The following EP400 variants were observed in gnomAD, a reference collection of about 807,000 sequenced individuals.
EP400 encodes the protein E1A-binding protein p400.
Under a neutral mutation model 354.1 loss-of-function variants are expected in EP400, and 105 were observed. The ratio of observed to expected loss-of-function variants is 0.30; its 90% CI spans 0.25 to 0.35. The LOEUF is 0.35. EP400 is among the 10% of genes least tolerant of loss of function. EP400 has a pLI of 1.00. For missense variants in EP400, 3,280 were observed against 4,121.0 expected, an observed-to-expected ratio of 0.80 and a Z score of 5.59; for synonymous variants, 1,646 against 1,716.9, an observed-to-expected ratio of 0.96 and a Z score of 1.02.
Position 132,013,091 on chromosome 12 carries a change from T to C in EP400, c.3524T>C (p.Val1175Ala). ...FFRGLTAFTR[V>A]RWKCLVIDEM... is the part of the protein sequence containing the mutation. Reference sequence around the variant, plus strand: ...CGGGGCCTCACCGCCTTCACACGAGTGCGCTGGAAGTGCCTGGTCATTGAT... The same window carrying C: ...CGGGGCCTCACCGCCTTCACACGAGCGCGCTGGAAGTGCCTGGTCATTGAT... The change falls in exon 17 of 53, where the codon GTG becomes GCG. Residue 1175 changes from valine to alanine, a missense_variant. Physicochemically the swap from Val to Ala is moderately conservative, Grantham distance 64. This residue lies in a region of EP400 where 242 missense variants were observed against 357.9 expected (regional missense o/e 0.68). Coordinates refer to ENST00000389561, the MANE Select transcript of EP400 (RefSeq NM_015409.5). The surrounding 1 kb of genome is among the most constrained non-coding windows in gnomAD (Gnocchi z 4.5). 1 of 1,614,072 alleles carries C rather than the reference T, an allele frequency of 6.2e-7. No homozygotes were observed. Among genetic ancestry groups the C allele is most frequent in the Non-Finnish European group, 8.5e-7 (1 of 1,180,020 alleles).
intron 15 of EP400, among the ~76,000 whole-genome samples, chr12:132,007,653 G>T (rs568416005): frequency 1.6e-4 from 24 of 152,232 alleles, no homozygotes; most frequent in Non-Finnish European, 2.6e-4. Context: ...TGTAAGAGAA[G>T]TGTTCAGTAA....
intron 51 of EP400, among the ~76,000 whole-genome samples, chr12:132,074,501 G>A (rs553545807): frequency 2.0e-4 from 31 of 152,262 alleles, no homozygotes; most frequent in Non-Finnish European, 3.4e-4. Context: ...CGTTGTCTTT[G>A]TCTTTGTTGT....
intron 1 of EP400, among the ~76,000 whole-genome samples, chr12:131,958,154 A>C (rs1281778463): frequency 6.6e-6 from 1 of 152,210 alleles, no homozygotes; most frequent in Non-Finnish European, 1.5e-5. Context: ...TGCCAGTTTC[A>C]CACTAATCTC....
Position 131,961,876 on chromosome 12 carries a change from G to A in EP400, c.1257G>A (p.Arg419=). 3 of 1,614,148 alleles carry A rather than the reference G, an allele frequency of 1.9e-6. No individual in the cohort carries two copies. Among genetic ancestry groups the A allele is most frequent in the Non-Finnish European group, 2.5e-6 (3 of 1,180,028 alleles). Residue 419 remains arginine, a synonymous_variant, in exon 2 of 53, where the codon AGG becomes AGA. Transcript: ENST00000389561. ...KHYAPLQAYL[R]QNDLDIEEEE... ...ATGCCCCATTACAAGCATATCTTAGGCAGAATGATTTGGACATTGAAGAAG... is the reference window on the plus strand; with the variant it reads ...ATGCCCCATTACAAGCATATCTTAGACAGAATGATTTGGACATTGAAGAAG...
chr12:132,054,110 A>C lies in EP400; in HGVS notation c.7728+513A>C, dbSNP rs772969043. 1.3e-5 allele frequency among the ~76,000 whole-genome samples: 2 copies of C among 152,218 alleles called. No individual in the cohort carries two copies. Among genetic ancestry groups the C allele is most frequent in the Non-Finnish European group, 2.9e-5 (2 of 68,034 alleles). ...GCGGAGCTGCGGACTGTGGCCATGC[A>C]CACCACGCTCTGGTGTATCTCTGTA... On this transcript the variant is annotated intron_variant, in intron 43 of 52. Coordinates refer to ENST00000389561, the MANE Select transcript of EP400 (RefSeq NM_015409.5). The surrounding 1 kb of genome is among the most constrained non-coding windows in gnomAD (Gnocchi z 4.0).
chr12:132,000,676 C>T (rs763356896), intron 12 of EP400, among the ~76,000 whole-genome samples: 2 of 152,154 alleles, frequency 1.3e-5, no homozygotes, highest in Non-Finnish European at 2.9e-5. Flanking sequence ...TATCCTATTA[C>T]GTCATCAGTT....
intron 51 of EP400, among the ~76,000 whole-genome samples, chr12:132,073,706 C>T (rs1485172136): frequency 6.6e-6 from 1 of 152,004 alleles, no homozygotes; most frequent in Admixed American, 6.6e-5. Context: ...CTGCCTTGGC[C>T]TCCCAAAGTG....
Position 131,979,783 on chromosome 12 carries a change from A to G in EP400, c.1425A>G (p.Thr475=), listed in dbSNP as rs761726471. ...AGAGGCAGCAGGCGATGCCCTCCAC[A>G]GGTATGGCAGGTACGTCGGCACGGC... ...LFKRQQAMPS[T]GMAEQSKRPR... is the part of the protein sequence containing the mutation. Residue 475 remains threonine, a synonymous_variant, in exon 3 of 53, where the codon ACA becomes ACG. Transcript: ENST00000389561. The G allele has an allele frequency of 5.1e-5, 82 of 1,607,018 alleles. No individual in the cohort carries two copies. Among genetic ancestry groups the G allele is most frequent in the Non-Finnish European group, 6.4e-5 (75 of 1,176,994 alleles).
At position 132,013,370 on chromosome 12, in the gene EP400, C is replaced by T; in HGVS notation, c.3612-120C>T. On this transcript the variant is annotated intron_variant, in intron 17 of 52. Coordinates refer to ENST00000389561, the MANE Select transcript of EP400 (RefSeq NM_015409.5). This position sits in a 1 kb window ranked among gnomAD's most constrained non-coding sequence, Gnocchi z 4.5. Reference sequence around the variant, plus strand: ...TGCAGCCCCCCTTTTCAGGCATGTGCACGTTGACATTTGCGGTGTCAAATT... The same window carrying T: ...TGCAGCCCCCCTTTTCAGGCATGTGTACGTTGACATTTGCGGTGTCAAATT... The T allele has an allele frequency of 7.8e-6, 11 of 1,406,892 alleles. No individual in the cohort carries two copies. Among genetic ancestry groups the T allele is most frequent in the Non-Finnish European group, 1.1e-5 (11 of 1,044,790 alleles). 87.2% of individuals were successfully genotyped at this position (1,406,892 alleles called of 1,614,324 possible). A position where few individuals can be genotyped will look rare whatever the true frequency, so the allele number is the denominator to read the frequency against.
chr12:132,073,297 T>C (rs191322481), intron 51 of EP400, among the ~76,000 whole-genome samples: 13 of 151,468 alleles, frequency 8.6e-5, no homozygotes, highest in South Asian at 4.2e-4. Flanking sequence ...TTCTGTTCTT[T>C]AAGTGGTTAC....
chr12:132,036,214 G>C, intron 30 of EP400, among the ~76,000 whole-genome samples: 1 of 147,348 alleles, frequency 6.8e-6, no homozygotes, highest in Non-Finnish European at 1.5e-5. Flanking sequence ...CACACAGCCA[G>C]GTTCACGCGG....
intron 2 of EP400, among the ~76,000 whole-genome samples, chr12:131,972,075 G>GA (rs1004485844): frequency 6.6e-6 from 1 of 152,046 alleles, no homozygotes; most frequent in South Asian, 2.1e-4. Context: ...TAAGAAAATA[G>GA]AAAAGAGTTA....
In EP400 at chr12:132,030,291, T is replaced by C. The variant is rs979064640; in HGVS notation, c.5754+133T>C. ...AGGGACTTAATGAGCTTCTGAACTT[T>C]TTAAAGTCTCAATCCATCCTTCGAT... On this transcript the variant is annotated intron_variant, in intron 29 of 52. Transcript: ENST00000389561. 34 of 1,062,142 alleles carry C rather than the reference T, an allele frequency of 3.2e-5. No homozygotes were observed. The African/African-American group carries it at 5.3e-4, about 17-fold the overall frequency. The allele number at this position is 1,062,142 out of a possible 1,614,324, so 65.8% of individuals were successfully genotyped here.
At position 132,038,751 on chromosome 12, in the gene EP400, C is replaced by T. The variant is rs540208987; in HGVS notation, c.6207+655C>T. Among the ~76,000 whole-genome samples, 68 of 152,324 alleles carry T rather than the reference C, an allele frequency of 4.5e-4. 1 individual carries two copies. Among genetic ancestry groups the T allele is most frequent in the African/African-American group, 1.5e-3 (63 of 41,572 alleles). ...AGACCCGTCACGGGGCCGCTGTTCC[C>T]TCCCTGTCCCCGTGGCTTGCCCGCC... On this transcript the variant is annotated intron_variant, in intron 32 of 52. Transcript: ENST00000389561. The surrounding 1 kb of genome is among the most constrained non-coding windows in gnomAD (Gnocchi z 4.2).
At chr12:131,979,356 C>T (rs529512264) in intron 2 of EP400, among the ~76,000 whole-genome samples, 6 of 152,236 alleles carry the variant, frequency 3.9e-5, no homozygotes, top group East Asian at 1.9e-4. Context: ...ACTGATGAGT[C>T]GGCTGAGATT....
chr12:132,039,210 ACT>A (rs1222486446), intron 32 of EP400, among the ~76,000 whole-genome samples: 1 of 151,918 alleles, frequency 6.6e-6, no homozygotes, highest in African/African-American at 2.4e-5. Flanking sequence ...TTGGGGTATG[ACT>A]CTCTTAGTCT....
chr12:132,053,373 C>T lies in EP400; in HGVS notation c.7504C>T (p.Pro2502Ser), dbSNP rs755458637. 36 of 1,569,496 alleles carry T rather than the reference C, an allele frequency of 2.3e-5. No homozygotes were observed. The highest frequency in any genetic ancestry group is 2.4e-5 in the Non-Finnish European group (28 of 1,166,706). The change falls in exon 43 of 53, where the codon CCG becomes TCG. Residue 2502 changes from proline to serine, a missense_variant. Coordinates refer to ENST00000389561, the MANE Select transcript of EP400 (RefSeq NM_015409.5). ...GGCTGATCAGCAGAAGGCACAGCAG[C>T]CGGCCGTGGCCCAGCCACCCCCGCC... Reference protein sequence around the residue: ...ALADQQKAQQPAVAQPPPPQP... With the variant: ...ALADQQKAQQSAVAQPPPPQP...
intron 6 of EP400, 34 bp from the exon 7 acceptor site, chr12:131,987,671 G>A (rs1009436392): frequency 1.3e-6 from 2 of 1,527,440 alleles, no homozygotes; most frequent in Non-Finnish European, 8.8e-7. Context: ...CTCATCACAT[G>A]CCGACCCCAC....
rs1460141044 is a variant in EP400 at position 132,025,223 on chromosome 12, A to C, written c.4856-423A>C. On this transcript the variant is annotated intron_variant, in intron 24 of 52. Coordinates refer to ENST00000389561, the MANE Select transcript of EP400 (RefSeq NM_015409.5). This position sits in a 1 kb window ranked among gnomAD's most constrained non-coding sequence, Gnocchi z 4.1. ...GAAAGATGTAGTCACACAAGATCCA[A>C]AGTGGCAGCCTCGTTAAACAGCAGC... is the stretch of plus-strand genomic sequence containing the variant. Among the ~76,000 whole-genome samples, 1 of 152,170 alleles carries C rather than the reference A, an allele frequency of 6.6e-6. No individual in the cohort carries two copies. Among genetic ancestry groups the C allele is most frequent in the Non-Finnish European group, 1.5e-5 (1 of 68,032 alleles).
Sources: allele counts gnomAD v4.1 joint callset (sites outside exome capture counted in the v4.1 genomes callset), GRCh38; gene constraint gnomAD v4.1.1; regional missense constraint gnomAD v4.1.1; non-coding constraint Gnocchi (gnomAD v3.1); transcripts MANE v1.5; gene names NCBI Gene and HGNC (gene_info 2026-07-23, HGNC 2026-07-21).